CNTN5: variants seen among roughly 807,000 people sequenced by gnomAD.
The protein encoded by CNTN5 is contactin 5, also known as contactin-5.
Under a neutral mutation model 129.1 loss-of-function variants are expected in CNTN5, and 77 were observed. The observed-to-expected ratio is 0.60, with a 90% confidence interval of 0.50 to 0.72. The LOEUF (loss-of-function observed/expected upper bound fraction) is 0.72, where lower values mean the gene tolerates loss of function less well. CNTN5 is among the 30% of genes least tolerant of loss of function. The probability of loss-of-function intolerance (pLI) is 0.00; values close to 1 mark genes in which losing one functional copy is unlikely to be tolerated. For synonymous variants in CNTN5, 509 were observed against 465.6 expected, an observed-to-expected ratio of 1.09 and a Z score of -1.20; for missense variants, 1,478 against 1,328.8, an observed-to-expected ratio of 1.11 and a Z score of -1.75.
Position 99,956,891 on chromosome 11 carries a change from C to G in CNTN5, c.759C>G (p.Asn253Lys). The change falls in exon 8 of 25, where the codon AAC (asparagine) becomes AAG (lysine). Residue 253 changes from asparagine to lysine, a missense_variant. Asn to Lys is a moderately conservative substitution (Grantham distance 94, BLOSUM62 0). Coordinates refer to ENST00000524871, the MANE Select transcript of CNTN5 (RefSeq NM_014361.4). ...SRRFISQETG[N>K]LYISKVQTSD... ...GGTTCATCTCCCAGGAGACAGGCAACCTTTATATTTCTAAAGTCCAAACAT... is the reference window on the plus strand; with the variant it reads ...GGTTCATCTCCCAGGAGACAGGCAAGCTTTATATTTCTAAAGTCCAAACAT... 6.2e-7 allele frequency: 1 copy of G among 1,613,840 alleles called. No homozygotes were observed. Among genetic ancestry groups the G allele is most frequent in the South Asian group, 1.1e-5 (1 of 91,082 alleles).
At chr11:99,490,943 G>A (rs1052096292) in intron 2 of CNTN5, among the ~76,000 whole-genome samples, 5 of 151,922 alleles carry the variant, frequency 3.3e-5, no homozygotes, top group South Asian at 2.1e-4. Flanking sequence ...AGAGCTCACC[G>A]AGATCTAACC....
intron 2 of CNTN5, among the ~76,000 whole-genome samples, chr11:99,385,528 T>C (rs567853301): frequency 6.6e-6 from 1 of 152,248 alleles, no homozygotes; most frequent in South Asian, 2.1e-4. Context: ...CAGTGAAAAA[T>C]TGAGTTATGG....
chr11:99,164,015 A>G (rs1860747823), intron 1 of CNTN5, among the ~76,000 whole-genome samples: 2 of 152,210 alleles, frequency 1.3e-5, no homozygotes, highest in South Asian at 4.1e-4. Flanking sequence ...TGATTGATAT[A>G]AAATTATGTC....
chr11:99,671,570 C>T (rs961065856), intron 3 of CNTN5, among the ~76,000 whole-genome samples: 7 of 152,102 alleles, frequency 4.6e-5, no homozygotes, highest in East Asian at 1.9e-4. Context: ...TTTAAAGTAA[C>T]GTCTAAACAA....
intron 4 of CNTN5, among the ~76,000 whole-genome samples, chr11:99,839,002 G>T (rs1304912189): frequency 6.6e-6 from 1 of 151,908 alleles, no homozygotes; most frequent in Non-Finnish European, 1.5e-5. Context: ...ACCCAAGTAG[G>T]TTTGGAAAAA....
chr11:99,138,476 C>T (rs940870774), intron 1 of CNTN5, among the ~76,000 whole-genome samples: 1 of 151,992 alleles, frequency 6.6e-6, no homozygotes, highest in Non-Finnish European at 1.5e-5. Context: ...ATTGTCACTC[C>T]CTTATAGTTC....
At chr11:100,241,282 G>C (rs971890092) in intron 16 of CNTN5, among the ~76,000 whole-genome samples, 8 of 152,104 alleles carry the variant, frequency 5.3e-5, no homozygotes, top group East Asian at 3.9e-4. Flanking sequence ...TTCGATGGAT[G>C]GACAGCATTA....
chr11:99,403,984 T>C (rs1202281447), intron 2 of CNTN5, among the ~76,000 whole-genome samples: 1 of 152,076 alleles, frequency 6.6e-6, no homozygotes, highest in Non-Finnish European at 1.5e-5. Context: ...TGTATTGGAG[T>C]CTATCTCTGT....
chr11:100,037,202 C>T (rs996897992), intron 9 of CNTN5, among the ~76,000 whole-genome samples: 6 of 142,472 alleles, frequency 4.2e-5, no homozygotes, highest in African/African-American at 1.4e-4. Flanking sequence ...TGTCAAAGGC[C>T]TTTTCTGCAT....
At chr11:100,309,561 T>C (rs1481446867) in intron 21 of CNTN5, 1 of 982,126 alleles carries the variant, frequency 1.0e-6, no homozygotes, top group East Asian at 1.1e-4. Context: ...CTCATTATGA[T>C]TGCATGTTTA....
chr11:99,796,137 C>T (rs1945930324), intron 3 of CNTN5, among the ~76,000 whole-genome samples: 1 of 152,114 alleles, frequency 6.6e-6, no homozygotes, highest in South Asian at 2.1e-4. Flanking sequence ...GCAGTGTTGG[C>T]ATGGGGACAT....
At chr11:99,527,790 A>G (rs1947544379) in intron 2 of CNTN5, among the ~76,000 whole-genome samples, 2 of 152,328 alleles carry the variant, frequency 1.3e-5, no homozygotes, top group Admixed American at 6.5e-5. Flanking sequence ...ACGAAGGCAT[A>G]AGGCAAAGGC....
chr11:99,954,583 C>T (rs1031282006), intron 7 of CNTN5, among the ~76,000 whole-genome samples: 11 of 152,010 alleles, frequency 7.2e-5, no homozygotes, highest in African/African-American at 2.7e-4. Flanking sequence ...TTTTATAGTT[C>T]TCAGGTTACA....
intron 2 of CNTN5, among the ~76,000 whole-genome samples, chr11:99,362,035 T>TTCCA (rs1173501052): frequency 5.3e-5 from 8 of 152,248 alleles, no homozygotes; most frequent in Non-Finnish European, 1.0e-4. Context: ...TGGGGGGAAC[T>TTCCA]TCCAAACTGT....
intron 23 of CNTN5, among the ~76,000 whole-genome samples, chr11:100,348,067 A>G (rs569825556): frequency 2.1e-4 from 32 of 151,944 alleles, no homozygotes; most frequent in African/African-American, 7.0e-4. Flanking sequence ...TTTAATACCA[A>G]AATTTGAGAA....
chr11:99,746,267 C>T (rs536444899), intron 3 of CNTN5, among the ~76,000 whole-genome samples: 1 of 152,266 alleles, frequency 6.6e-6, no homozygotes, highest in African/African-American at 2.4e-5. Context: ...GTGTGAGACA[C>T]AGTTCTGATT....
chr11:99,480,471 G>A (rs1207971205), intron 2 of CNTN5, among the ~76,000 whole-genome samples: 1 of 152,118 alleles, frequency 6.6e-6, no homozygotes, highest in Non-Finnish European at 1.5e-5. Context: ...TAAGATTATT[G>A]TAAGGCTTAA....
intron 6 of CNTN5, among the ~76,000 whole-genome samples, chr11:99,854,483 G>A (rs1286903092): frequency 1.3e-5 from 2 of 152,170 alleles, no homozygotes; most frequent in Non-Finnish European, 2.9e-5. Flanking sequence ...CCCTCTGTGG[G>A]AGGCTTGAAA....
chr11:99,353,441 C>T (rs1029914948), intron 2 of CNTN5, among the ~76,000 whole-genome samples: 8 of 152,190 alleles, frequency 5.3e-5, no homozygotes, highest in East Asian at 1.9e-4. Context: ...AAAGTAAGAG[C>T]GGGGAATGGT....
Sources: allele counts gnomAD v4.1 joint callset (sites outside exome capture counted in the v4.1 genomes callset), GRCh38; gene constraint gnomAD v4.1.1; transcripts MANE v1.5; gene names NCBI Gene and HGNC (gene_info 2026-07-23, HGNC 2026-07-21).